ANAPC1: variants seen among roughly 807,000 people sequenced by gnomAD.
The protein encoded by ANAPC1 is anaphase-promoting complex subunit 1.
A neutral mutation model predicts 208.0 loss-of-function variants in ANAPC1; 36 were observed. That is an observed-to-expected ratio of 0.17 (90% CI 0.13 to 0.23). The LOEUF is 0.23. ANAPC1 is among the 10% of genes least tolerant of loss of function. ANAPC1 has a pLI of 1.00. For missense variants in ANAPC1, 942 were observed against 2,011.6 expected, an observed-to-expected ratio of 0.47 and a Z score of 10.17; for synonymous variants, 378 against 695.2, an observed-to-expected ratio of 0.54 and a Z score of 7.18.
intron 25 of ANAPC1, 140 bp from the exon 26 acceptor site, chr2:111,821,593 G>A: frequency 1.4e-6 from 1 of 700,006 alleles, no homozygotes; most frequent in Non-Finnish European, 2.5e-6. Context: ...ATGGGTTGGA[G>A]CCGCAATGTA....
chr2:111,791,524 G>A (rs1677873437), intron 38 of ANAPC1, among the ~76,000 whole-genome samples: 1 of 152,086 alleles, frequency 6.6e-6, no homozygotes, highest in South Asian at 2.1e-4. Context: ...ATCCATCAAT[G>A]GGGGAGATCA....
chr2:111,824,925 G>A, intron 24 of ANAPC1, 41 bp downstream of exon 24: 1 of 1,610,922 alleles, frequency 6.2e-7, no homozygotes, highest in Non-Finnish European at 8.5e-7. Context: ...CTAGTCTGGA[G>A]GAAGCACGGC....
At chr2:111,867,318 C>G (rs1189984822) in intron 7 of ANAPC1, among the ~76,000 whole-genome samples, 1 of 151,950 alleles carries the variant, frequency 6.6e-6, no homozygotes, top group Non-Finnish European at 1.5e-5. Context: ...AAAAACCATT[C>G]TTAGCTCACA....
intron 1 of ANAPC1, among the ~76,000 whole-genome samples, chr2:111,881,435 T>C (rs2104618694): frequency 6.6e-6 from 1 of 152,314 alleles, no homozygotes; most frequent in Admixed American, 6.5e-5. Context: ...ACAATCAATT[T>C]CAATTATTGG....
intron 47 of ANAPC1, among the ~76,000 whole-genome samples, chr2:111,771,809 TG>T (rs1676754045): frequency 6.6e-6 from 1 of 152,072 alleles, no homozygotes; most frequent in Non-Finnish European, 1.5e-5. Flanking sequence ...TCAAAAAAAT[TG>T]GGTGCTTAGA....
intron 17 of ANAPC1, among the ~76,000 whole-genome samples, chr2:111,841,346 T>C (rs1680752791): frequency 6.6e-6 from 1 of 151,428 alleles, no homozygotes; most frequent in African/African-American, 2.4e-5. Flanking sequence ...ACATATAGTA[T>C]ATTATATTTA....
intron 3 of ANAPC1, among the ~76,000 whole-genome samples, chr2:111,875,168 T>G (rs1279817558): frequency 6.6e-6 from 1 of 152,264 alleles, no homozygotes; most frequent in African/African-American, 2.4e-5. Flanking sequence ...GCCTAATGAT[T>G]AGCGAAGCTG....
intron 7 of ANAPC1, chr2:111,866,401 C>CCCG (rs1682416994): frequency 1.2e-4 from 19 of 155,630 alleles, no homozygotes; most frequent in Admixed American, 2.3e-4. Flanking sequence ...ACACACCCAC[C>CCCG]AAAGCCCATG....
rs551412961 is a variant in ANAPC1 at position 111,850,847 on chromosome 2, G to A, written c.1579C>T (p.Arg527Trp). The A allele has an allele frequency of 2.9e-5, 47 of 1,611,780 alleles. No homozygotes were observed. Among genetic ancestry groups the A allele is most frequent in the African/African-American group, 5.3e-5 (4 of 74,930 alleles). ...ACGCCATCTAGTGGAGTACTGGGCC[G>A]AGGCATTGTGTTGGACATCGTCAGA... ...PSLTMSNTMPRPSTPLDGVST... is the reference protein window; with the variant it reads ...PSLTMSNTMPWPSTPLDGVST... The change falls in exon 14 of 48, where the codon CGG becomes TGG. Residue 527 changes from arginine to tryptophan, a missense_variant. Arg to Trp is a moderately radical substitution (Grantham distance 101). Coordinates refer to ENST00000341068, the MANE Select transcript of ANAPC1 (RefSeq NM_022662.4).
At chr2:111,822,655 T>G in intron 24 of ANAPC1, 55 bp from the exon 25 acceptor site, 2 of 994,078 alleles carry the variant, frequency 2.0e-6, no homozygotes, top group Admixed American at 4.7e-5. Context: ...ACTGTCCCAA[T>G]TATCCTGACT....
intron 2 of ANAPC1, among the ~76,000 whole-genome samples, chr2:111,879,715 A>G (rs1166279117): frequency 6.6e-6 from 1 of 152,008 alleles, no homozygotes; most frequent in Admixed American, 6.6e-5. Context: ...TACTAAAAAA[A>G]TACAAAATTA....
intron 16 of ANAPC1, among the ~76,000 whole-genome samples, chr2:111,845,229 C>T (rs1381498498): frequency 6.6e-6 from 1 of 152,186 alleles, no homozygotes; most frequent in Non-Finnish European, 1.5e-5. Context: ...CCAGGGCTAC[C>T]ACTGTGAAGA....
At chr2:111,848,683 A>C (rs1208764062) in intron 14 of ANAPC1, among the ~76,000 whole-genome samples, 4 of 151,458 alleles carry the variant, frequency 2.6e-5, no homozygotes, top group Non-Finnish European at 5.9e-5. Flanking sequence ...AGGCTGAGGC[A>C]GAAGAATCGC....
intron 6 of ANAPC1, among the ~76,000 whole-genome samples, chr2:111,868,756 C>A (rs1294478435): frequency 1.3e-5 from 2 of 152,214 alleles, no homozygotes; most frequent in Non-Finnish European, 2.9e-5. Context: ...TGGTCTTGAA[C>A]TCCTGACCTC....
At chr2:111,771,437 C>T (rs1467724179) in intron 47 of ANAPC1, among the ~76,000 whole-genome samples, 2 of 151,992 alleles carry the variant, frequency 1.3e-5, no homozygotes, top group Non-Finnish European at 2.9e-5. Flanking sequence ...GGCTCTTGGG[C>T]AATCACAAAC....
chr2:111,825,364 T>C (rs1380685893), intron 22 of ANAPC1, among the ~76,000 whole-genome samples, 197 bp from the exon 23 acceptor site: 4 of 152,248 alleles, frequency 2.6e-5, no homozygotes, highest in Admixed American at 6.5e-5. Flanking sequence ...GGACACCCCA[T>C]GCGTACCCAA....
chr2:111,862,672 C>T, intron 9 of ANAPC1, 74 bp from the exon 10 acceptor site: 1 of 1,530,210 alleles, frequency 6.5e-7, no homozygotes, highest in Non-Finnish European at 8.8e-7. Flanking sequence ...TCCAATGACA[C>T]TTCCAAAAAT....
intron 21 of ANAPC1, 77 bp downstream of exon 21, chr2:111,831,209 A>T (rs1361385286): frequency 7.9e-5 from 119 of 1,499,696 alleles, no homozygotes; most frequent in Non-Finnish European, 6.3e-5. Context: ...ACAGAAAAAA[A>T]CTTAATATCA....
At chr2:111,852,250 C>T (rs1165615947) in intron 13 of ANAPC1, among the ~76,000 whole-genome samples, 1 of 147,256 alleles carries the variant, frequency 6.8e-6, no homozygotes, top group East Asian at 2.0e-4. Context: ...TGGCTAGTAA[C>T]CTGAGACCCA....
Sources: allele counts gnomAD v4.1 joint callset (sites outside exome capture counted in the v4.1 genomes callset), GRCh38; gene constraint gnomAD v4.1.1; transcripts MANE v1.5; gene names NCBI Gene and HGNC (gene_info 2026-07-23, HGNC 2026-07-21).